The following UNC13C variants were observed in gnomAD, a reference collection of about 807,000 sequenced individuals.
UNC13C encodes the protein protein unc-13 homolog C.
A neutral mutation model predicts 245.4 loss-of-function variants in UNC13C; 174 were observed. The observed-to-expected ratio is 0.71, with a 90% CI of 0.63 to 0.80. UNC13C has a LOEUF of 0.80. Among genes scored for constraint, UNC13C ranks in the 30% least tolerant of loss-of-function variants. The pLI, the probability that UNC13C is intolerant of heterozygous loss-of-function variation, is 0.00. For missense variants in UNC13C, 2,829 were observed against 2,602.9 expected, an observed-to-expected ratio of 1.09 and a Z score of -1.89; for synonymous variants, 992 against 895.1, an observed-to-expected ratio of 1.11 and a Z score of -1.93.
chr15:54,066,574 T>C (rs1458735474), intron 2 of UNC13C, among the ~76,000 whole-genome samples: 1 of 152,202 alleles, frequency 6.6e-6, no homozygotes, highest in Non-Finnish European at 1.5e-5. Flanking sequence ...CACAGGGCTC[T>C]AGAGAGCACT....
intron 1 of UNC13C, among the ~76,000 whole-genome samples, chr15:53,981,262 T>C (rs893608783): frequency 1.3e-5 from 2 of 152,204 alleles, no homozygotes; most frequent in African/African-American, 4.8e-5. Context: ...GTTTCTGTTA[T>C]TCATTCTTTC....
intron 30 of UNC13C, among the ~76,000 whole-genome samples, chr15:54,612,781 T>A (rs76254405): frequency 0.05 from 7,617 of 152,062 alleles, 658 homozygotes; most frequent in African/African-American, 0.18. Context: ...GAGGTTTGAA[T>A]AGGAATGAGC....
rs116353994 is a variant in UNC13C, at chr15:54,399,774, G to A, written c.4847+6593G>A. On this transcript the variant is annotated intron_variant, in intron 18 of 32. Coordinates refer to ENST00000260323, the MANE Select transcript of UNC13C (RefSeq NM_001080534.3). ...TTCAAATTGCATGTTTTTAAAGATA[G>A]GATGTTTTATTTGCTGAAGTGAGGA... 2.9e-3 allele frequency among the ~76,000 whole-genome samples: 445 copies of A among 151,978 alleles called. 1 individual carries two copies. Among genetic ancestry groups the A allele is most frequent in the African/African-American group, 0.01 (425 of 41,518 alleles).
At chr15:54,349,219 A>C (rs894122057) in intron 17 of UNC13C, among the ~76,000 whole-genome samples, 2 of 150,992 alleles carry the variant, frequency 1.3e-5, no homozygotes, top group African/African-American at 4.8e-5. Context: ...CTAGTATATA[A>C]AATTTTACTT....
At chr15:54,370,893 T>G (rs1276056052) in intron 17 of UNC13C, among the ~76,000 whole-genome samples, 1 of 150,088 alleles carries the variant, frequency 6.7e-6, no homozygotes, top group Admixed American at 6.6e-5. Context: ...TAAAAAGTTT[T>G]TAATTGACAT....
the UNC13C span, among the ~76,000 whole-genome samples, chr15:53,849,255 T>C: frequency 6.6e-6 from 1 of 152,040 alleles, no homozygotes. Context: ...GCTTATTTTT[T>C]ATCTTCAGCA....
At chr15:54,317,915 A>G (rs142161043) in intron 13 of UNC13C, among the ~76,000 whole-genome samples, 2 of 151,962 alleles carry the variant, frequency 1.3e-5, no homozygotes, top group Non-Finnish European at 2.9e-5. Flanking sequence ...TCCAACCTCT[A>G]GTAACTACCT....
At chr15:54,268,185 C>T (rs2036596376) in intron 10 of UNC13C, among the ~76,000 whole-genome samples, 1 of 151,000 alleles carries the variant, frequency 6.6e-6, no homozygotes, top group South Asian at 2.1e-4. Context: ...CTTTGGATTG[C>T]TTCCATTGTG....
intron 19 of UNC13C, among the ~76,000 whole-genome samples, chr15:54,425,230 G>A (rs1364716350): frequency 1.3e-5 from 2 of 151,830 alleles, no homozygotes; most frequent in African/African-American, 4.8e-5. Flanking sequence ...TCACTATGTA[G>A]ATGGCAGAGT....
the UNC13C span, among the ~76,000 whole-genome samples, chr15:53,846,796 T>C: frequency 1.3e-5 from 2 of 152,188 alleles, no homozygotes; most frequent in South Asian, 4.1e-4. Flanking sequence ...AGCCATTTAA[T>C]AATTCCAAGA....
intron 1 of UNC13C, among the ~76,000 whole-genome samples, chr15:53,995,379 C>A (rs1894577459): frequency 1.3e-5 from 2 of 152,004 alleles, no homozygotes; most frequent in South Asian, 4.2e-4. Context: ...ACCTAGAAAT[C>A]AATCAGAAAA....
In UNC13C at chr15:54,613,112, C is replaced by G. The variant is rs547874290; in HGVS notation, c.6107-9215C>G. The stretch of plus-strand genomic sequence containing the variant: ...ACCTACATAGAAAGCATAAATAGAT[C>G]TATATAAAAACAATTAGAAGATTTA... On this transcript the variant is annotated intron_variant, in intron 30 of 32. Transcript: ENST00000260323. 5.3e-5 allele frequency among the ~76,000 whole-genome samples: 8 copies of G among 151,708 alleles called. No individual in the cohort carries two copies. The East Asian group carries it at 1.5e-3, about 29-fold the overall frequency.
chr15:54,074,212 C>A (rs762227584), intron 2 of UNC13C, among the ~76,000 whole-genome samples: 1 of 149,804 alleles, frequency 6.7e-6, no homozygotes, highest in Non-Finnish European at 1.5e-5. Context: ...ATTTCTGAGG[C>A]CTCTGTTCTG....
chr15:53,990,936 A>G (rs1374713913), intron 1 of UNC13C, among the ~76,000 whole-genome samples: 1 of 152,050 alleles, frequency 6.6e-6, no homozygotes, highest in Non-Finnish European at 1.5e-5. Flanking sequence ...ACTAGGTCCT[A>G]TATAATGACA....
At chr15:53,843,905 A>G in the UNC13C span, among the ~76,000 whole-genome samples, 2 of 152,228 alleles carry the variant, frequency 1.3e-5, no homozygotes, top group Non-Finnish European at 2.9e-5. Context: ...GGGCATTGAA[A>G]AGTAGAGATA....
chr15:54,093,129 T>C (rs2141139463), intron 2 of UNC13C, among the ~76,000 whole-genome samples: 1 of 152,200 alleles, frequency 6.6e-6, no homozygotes, highest in African/African-American at 2.4e-5. Context: ...CTTCAGCTTA[T>C]ATTTATGCTG....
the UNC13C span, among the ~76,000 whole-genome samples, chr15:53,908,358 T>C: frequency 6.8e-6 from 1 of 146,394 alleles, no homozygotes; most frequent in East Asian, 2.0e-4. Context: ...TCACATACAC[T>C]CTTAGACTTA....
Position 54,015,093 on chromosome 15 carries a change from A to G in UNC13C, c.2190A>G (p.Pro730=). 2.5e-6 allele frequency: 4 copies of G among 1,612,836 alleles called. No individual in the cohort carries two copies. The highest frequency in any genetic ancestry group is 3.4e-6 in the Non-Finnish European group (4 of 1,179,430). Residue 730 remains proline, a synonymous_variant, in exon 2 of 33, where the codon CCA becomes CCG. Transcript: ENST00000260323. ...CATGCCCTGGCTTGGATAATGAACC[A>G]CAAGGCCAGTGGGTTGGCCAATATG... ...SSPCPGLDNE[P]QGQWVGQYDS... is the part of the protein sequence containing the mutation.
intron 29 of UNC13C, among the ~76,000 whole-genome samples, chr15:54,557,798 C>T (rs1187126583): frequency 6.6e-6 from 1 of 151,968 alleles, no homozygotes; most frequent in Non-Finnish European, 1.5e-5. Context: ...TAATGTTTTA[C>T]ATTTTCAAAT....
Sources: allele counts gnomAD v4.1 joint callset (sites outside exome capture counted in the v4.1 genomes callset), GRCh38; gene constraint gnomAD v4.1.1; transcripts MANE v1.5; gene names NCBI Gene and HGNC (gene_info 2026-07-23, HGNC 2026-07-21).